Variants in WTIP observed in about 807,000 individuals in gnomAD.
The protein encoded by WTIP is Wilms tumor protein 1-interacting protein.
In WTIP, 23 loss-of-function variants were observed where a neutral mutation model predicts 41.7. That is an observed-to-expected ratio of 0.55 (90% confidence interval 0.40 to 0.78). The LOEUF (loss-of-function observed/expected upper bound fraction) is 0.78. WTIP is among the 30% of genes least tolerant of loss of function. The pLI is 0.00. For missense variants in WTIP, 619 were observed against 610.5 expected (o/e 1.01, Z -0.15); for synonymous variants, 314 against 269.9 (o/e 1.16, Z -1.60).
At position 34,493,241 on chromosome 19, in the gene WTIP, T is replaced by C; in HGVS notation, c.838-22T>C. 1 of 1,613,566 alleles carries C rather than the reference T, an allele frequency of 6.2e-7. No individual in the cohort carries two copies. The highest frequency in any genetic ancestry group is 1.1e-5 in the South Asian group (1 of 91,052). ...AGTGCCCCTTTGTCACACAATGTCC[T>C]GGATCCTGTGTCCCCTCCCAGTACT... On this transcript the variant is annotated intron_variant, in intron 3 of 7. Transcript: ENST00000590071. This position sits in a 1 kb window ranked among gnomAD's most constrained non-coding sequence, Gnocchi z 4.1.
At chr19:34,483,006 C>CTTTTTTTTTTTTTTTTTTCTTTTTTTT (rs1307348148) in intron 1 of WTIP, among the ~76,000 whole-genome samples, 1 of 123,038 alleles carries the variant, frequency 8.1e-6, no homozygotes, top group Non-Finnish European at 1.7e-5. Context: ...TTTCTTTCTT[C>CTTTTTTTTTTTTTTTTTTCTTTTTTTT]TTTTTTTTTT....
rs1159423363 is a variant in WTIP, at chr19:34,501,355, T to A, written c.*1086T>A. On this transcript the variant is annotated 3_prime_UTR_variant, in exon 8 of 8. Coordinates refer to ENST00000590071, the MANE Select transcript of WTIP (RefSeq NM_001080436.2). ...TTCAGACTTTAGGGTAGTGTGGGGT[T>A]CCGTGTGTGTCCGGGTGTTAAGGGC... The A allele has an allele frequency of 6.6e-6, 1 of 152,248 alleles. No homozygotes were observed. Among genetic ancestry groups the A allele is most frequent in the Non-Finnish European group, 1.5e-5 (1 of 68,058 alleles). 9.4% of individuals were successfully genotyped at this position (152,248 alleles called of 1,614,324 possible).
At chr19:34,496,426 C>A (rs1334959244) in intron 7 of WTIP, among the ~76,000 whole-genome samples, 1 of 152,196 alleles carries the variant, frequency 6.6e-6, no homozygotes, top group African/African-American at 2.4e-5. Flanking sequence ...CTGCCTTGGC[C>A]TCCCAAAGTG....
At position 34,482,589 on chromosome 19, in the gene WTIP, C is replaced by A. The variant is rs1180166404; in HGVS notation, c.615C>A (p.Leu205=). The A allele has an allele frequency of 8.1e-7, 1 of 1,230,360 alleles. No individual in the cohort carries two copies. The highest frequency in any genetic ancestry group is 4.1e-5 in the South Asian group (1 of 24,462). The allele number at this position is 1,230,360 out of a possible 1,614,324, so 76.2% of individuals were successfully genotyped here. The change falls in exon 1 of 8, where the codon CTC becomes CTA. Residue 205 remains leucine, a synonymous_variant. Transcript: ENST00000590071. ...CGGCCGAGCGGCGGCTGGAGGCGCT[C>A]ACCCGGGAGCTGGAGCGGGCGCTCG... ...PSAAERRLEA[L]TRELERALEA... is the part of the protein sequence containing the mutation.
Position 34,510,627 on chromosome 19 carries a change from G to T in WTIP, c.*10358G>T, listed in dbSNP as rs1294361569. 6.6e-6 allele frequency: 1 copy of T among 152,166 alleles called. No homozygotes were observed. The highest frequency in any genetic ancestry group is 2.4e-5 in the African/African-American group (1 of 41,432). The allele number at this position is 152,166 out of a possible 1,614,324, so 9.4% of individuals were successfully genotyped here. A position where few individuals can be genotyped will look rare whatever the true frequency, so the allele number is the denominator to read the frequency against. On this transcript the variant is annotated 3_prime_UTR_variant, in exon 8 of 8. Coordinates refer to ENST00000590071, the MANE Select transcript of WTIP (RefSeq NM_001080436.2). Reference sequence around the variant, plus strand: ...GCTTGAATTTCTTCTAAAAAAATGGGTGTTTCTTTACTGCATCGTCAGGCT... The same window carrying T: ...GCTTGAATTTCTTCTAAAAAAATGGTTGTTTCTTTACTGCATCGTCAGGCT...
rs1483851959 is a variant in WTIP, at chr19:34,505,256, A to G, written c.*4987A>G. 1 of 152,172 alleles carries G rather than the reference A, an allele frequency of 6.6e-6. No individual in the cohort carries two copies. Among genetic ancestry groups the G allele is most frequent in the African/African-American group, 2.4e-5 (1 of 41,392 alleles). 9.4% of individuals were successfully genotyped at this position (152,172 alleles called of 1,614,324 possible). ...TGCCAGGTTCCTAGTCCCTGGCCGGATACCCCAGGGTGGCCTGGGATCCTG... is the reference window on the plus strand; with the variant it reads ...TGCCAGGTTCCTAGTCCCTGGCCGGGTACCCCAGGGTGGCCTGGGATCCTG... On this transcript the variant is annotated 3_prime_UTR_variant, in exon 8 of 8. Coordinates refer to ENST00000590071, the MANE Select transcript of WTIP (RefSeq NM_001080436.2).
rs1183647595 is a variant in WTIP at position 34,510,465 on chromosome 19, G to T, written c.*10196G>T. 1 of 152,204 alleles carries T rather than the reference G, an allele frequency of 6.6e-6. No individual in the cohort carries two copies. Among genetic ancestry groups the T allele is most frequent in the African/African-American group, 2.4e-5 (1 of 41,446 alleles). The allele number at this position is 152,204 out of a possible 1,614,324, so 9.4% of individuals were successfully genotyped here. A position where few individuals can be genotyped will look rare whatever the true frequency, so the allele number is the denominator to read the frequency against. ...ACACAACATGGGGACTTTGGGTCCA[G>T]CCCACAAAACCATTTTTTGCTCCTA... On this transcript the variant is annotated 3_prime_UTR_variant, in exon 8 of 8. Coordinates refer to ENST00000590071, the MANE Select transcript of WTIP (RefSeq NM_001080436.2).
intron 2 of WTIP, among the ~76,000 whole-genome samples, chr19:34,492,226 C>T (rs1177142466): frequency 1.3e-5 from 2 of 150,806 alleles, no homozygotes; most frequent in African/African-American, 4.9e-5. Context: ...GATCTTCCTG[C>T]CTCAGCCCCA....
rs943712414 is a variant in WTIP at position 34,482,002 on chromosome 19, G to C, written c.28G>C (p.Glu10Gln). 8.6e-4 allele frequency: 870 copies of C among 1,017,524 alleles called. 1 individual carries two copies. Among genetic ancestry groups the C allele is most frequent in the Non-Finnish European group, 9.4e-4 (801 of 852,360 alleles). 63.0% of individuals were successfully genotyped at this position (1,017,524 alleles called of 1,614,324 possible). A position where few individuals can be genotyped will look rare whatever the true frequency, so the allele number is the denominator to read the frequency against. Residue 10 changes from glutamate (E) to glutamine (Q), a missense_variant, in exon 1 of 8, where the codon GAG becomes CAG. This residue lies in a region of WTIP where 363 missense variants were observed against 309.0 expected (regional missense o/e 1.17). Coordinates refer to ENST00000590071, the MANE Select transcript of WTIP (RefSeq NM_001080436.2). ...GCAGCGCTCCAGGGCGGGCGCGGAC[G>C]AGGCGGCCCTACTCCTGGCCGGGCT... MQRSRAGAD[E>Q]AALLLAGLAL... is the part of the protein sequence containing the mutation.
intron 1 of WTIP, among the ~76,000 whole-genome samples, chr19:34,483,084 A>G (rs1599950173): frequency 7.5e-6 from 1 of 132,620 alleles, no homozygotes; most frequent in Non-Finnish European, 1.5e-5. Context: ...GGCTTACTGT[A>G]GCCGTCGCCT....
intron 1 of WTIP, among the ~76,000 whole-genome samples, chr19:34,484,568 T>G (rs2075787871): frequency 6.6e-6 from 1 of 151,998 alleles, no homozygotes; most frequent in Non-Finnish European, 1.5e-5. Context: ...AGGCTGGGGC[T>G]GAGTTTTGAA....
intron 1 of WTIP, among the ~76,000 whole-genome samples, chr19:34,484,006 A>C (rs1298254099): frequency 1.4e-5 from 2 of 141,042 alleles, no homozygotes; most frequent in Non-Finnish European, 3.0e-5. Context: ...GGCTCACTGC[A>C]ACCTCCGACT....
chr19:34,484,363 A>G (rs1411206480), intron 1 of WTIP, among the ~76,000 whole-genome samples: 1 of 152,066 alleles, frequency 6.6e-6, no homozygotes, highest in South Asian at 2.1e-4. Context: ...TGCAGCCCAG[A>G]GGGCTCAGGT....
Position 34,510,286 on chromosome 19 carries a change from A to G in WTIP, c.*10017A>G, listed in dbSNP as rs1056318011. 2.0e-5 allele frequency: 3 copies of G among 152,226 alleles called. No homozygotes were observed. Among genetic ancestry groups the G allele is most frequent in the African/African-American group, 7.2e-5 (3 of 41,464 alleles). 9.4% of individuals were successfully genotyped at this position (152,226 alleles called of 1,614,324 possible). ...TCTAGATGGAGGTTCCCAAACCTCA[A>G]TTCTTGACTTCTGTACACCCGCAGG... On this transcript the variant is annotated 3_prime_UTR_variant, in exon 8 of 8. Transcript: ENST00000590071.
In WTIP at chr19:34,497,472, C is replaced by T. The variant is rs554541739; in HGVS notation, c.1152+1701C>T. On this transcript the variant is annotated intron_variant, in intron 7 of 7. Transcript: ENST00000590071. ...AAGGGTCCCATGATGGACACAGGGA[C>T]GGCAGCTGAAGCCAGGGAGCAAGTG... Among the ~76,000 whole-genome samples, 20 of 152,226 alleles carry T rather than the reference C, an allele frequency of 1.3e-4. No homozygotes were observed. In the Middle Eastern group the frequency reaches 0.017, roughly 129 times the overall value.
In WTIP at chr19:34,482,257, G is replaced by A. The variant is rs2145587343; in HGVS notation, c.283G>A (p.Gly95Arg). 1 of 1,282,022 alleles carries A rather than the reference G, an allele frequency of 7.8e-7. No individual in the cohort carries two copies. Among genetic ancestry groups the A allele is most frequent in the Non-Finnish European group, 9.9e-7 (1 of 1,007,806 alleles). 79.4% of individuals were successfully genotyped at this position (1,282,022 alleles called of 1,614,324 possible). A position where few individuals can be genotyped will look rare whatever the true frequency, so the allele number is the denominator to read the frequency against. ...PAGSPRASLA[G>R]SDGGGGGGSA... The stretch of plus-strand genomic sequence containing the variant: ...GGGCAGCCCACGGGCCAGCCTGGCG[G>A]GGTCCGACGGCGGCGGCGGTGGCGG... The change falls in exon 1 of 8, where the codon GGG (glycine) becomes AGG (arginine). Residue 95 changes from glycine to arginine, a missense_variant. By Grantham distance (125) the Gly-to-Arg change is moderately radical. Transcript: ENST00000590071.
At position 34,511,569 on chromosome 19, in the gene WTIP, G is replaced by A. The variant is rs556744940; in HGVS notation, c.*11300G>A. The A allele has an allele frequency of 6.6e-6, 1 of 152,158 alleles. No homozygotes were observed. The highest frequency in any genetic ancestry group is 1.5e-5 in the Non-Finnish European group (1 of 68,040). The allele number at this position is 152,158 out of a possible 1,614,324, so 9.4% of individuals were successfully genotyped here. The stretch of plus-strand genomic sequence containing the variant: ...CTGAACATGAAAATGGCAGGCCAAG[G>A]GTTCCTGCCTTTGGATGCACATGGC... On this transcript the variant is annotated 3_prime_UTR_variant, in exon 8 of 8. Coordinates refer to ENST00000590071, the MANE Select transcript of WTIP (RefSeq NM_001080436.2).
chr19:34,506,017 A>T lies in WTIP; in HGVS notation c.*5748A>T, dbSNP rs987602310. On this transcript the variant is annotated 3_prime_UTR_variant, in exon 8 of 8. Coordinates refer to ENST00000590071, the MANE Select transcript of WTIP (RefSeq NM_001080436.2). ...CAGGACTTCTCGTCCCTGAGAACAG[A>T]TTGGGGCTGGGAGTCCCAGCCCGTC... 2 of 152,110 alleles carry T rather than the reference A, an allele frequency of 1.3e-5. No individual in the cohort carries two copies. The highest frequency in any genetic ancestry group is 2.4e-5 in the African/African-American group (1 of 41,392). The allele number at this position is 152,110 out of a possible 1,614,324, so 9.4% of individuals were successfully genotyped here.
At chr19:34,490,019 G>A (rs750216448) in intron 1 of WTIP, among the ~76,000 whole-genome samples, 2 of 152,174 alleles carry the variant, frequency 1.3e-5, no homozygotes, top group Admixed American at 6.5e-5. Flanking sequence ...CAGGAGGATC[G>A]CTTTAACCCA....
Sources: allele counts gnomAD v4.1 joint callset (sites outside exome capture counted in the v4.1 genomes callset), GRCh38; gene constraint gnomAD v4.1.1; regional missense constraint gnomAD v4.1.1; non-coding constraint Gnocchi (gnomAD v3.1); transcripts MANE v1.5; gene names NCBI Gene and HGNC (gene_info 2026-07-23, HGNC 2026-07-21).